The following UNC5D variants were observed in gnomAD, a reference collection of about 807,000 sequenced individuals.
UNC5D encodes netrin receptor UNC5D.
In UNC5D, 39 loss-of-function variants were observed where a neutral mutation model predicts 105.4. The observed-to-expected ratio is 0.37, with a 90% CI of 0.29 to 0.48. The LOEUF is 0.48. Ranked by LOEUF, UNC5D falls within the 20% of genes least tolerant of loss-of-function variation. The pLI is 0.98. For synonymous variants in UNC5D, 452 were observed against 450.4 expected (o/e 1.00, Z -0.04); for missense variants, 991 against 1,202.4 (o/e 0.82, Z 2.60).
chr8:35,693,810 A>T (rs1473357284), intron 7 of UNC5D, among the ~76,000 whole-genome samples: 1 of 152,156 alleles, frequency 6.6e-6, no homozygotes, highest in African/African-American at 2.4e-5. Context: ...AGGAAGTCCT[A>T]TGTAGCACTT....
intron 1 of UNC5D, among the ~76,000 whole-genome samples, chr8:35,318,445 G>A (rs1012569432): frequency 3.9e-5 from 6 of 152,010 alleles, no homozygotes; most frequent in Non-Finnish European, 8.8e-5. Flanking sequence ...GACACAGCTG[G>A]GTTTGAAGCA....
chr8:35,563,740 T>C (rs1817127318), intron 2 of UNC5D, among the ~76,000 whole-genome samples: 1 of 152,200 alleles, frequency 6.6e-6, no homozygotes, highest in South Asian at 2.1e-4. Flanking sequence ...AGTAGGTTGT[T>C]AGCTGTAGGT....
At position 35,534,161 on chromosome 8, in the gene UNC5D, G is replaced by A. The variant is rs77570758; in HGVS notation, c.104-15131G>A. On this transcript the variant is annotated intron_variant, in intron 1 of 16. Transcript: ENST00000404895. The stretch of plus-strand genomic sequence containing the variant: ...TTGTAGGTCTCAGTTTTCTTTTGTA[G>A]TTTTTTATCGCTGGAATTGTATAAT... Among the ~76,000 whole-genome samples, 971 of 152,196 alleles carry A rather than the reference G, an allele frequency of 6.4e-3. 9 individuals carry two copies. The highest frequency in any genetic ancestry group is 0.022 in the African/African-American group (933 of 41,524).
At chr8:35,595,301 C>T (rs1296868652) in intron 3 of UNC5D, among the ~76,000 whole-genome samples, 2 of 152,050 alleles carry the variant, frequency 1.3e-5, no homozygotes, top group African/African-American at 4.8e-5. Context: ...TTTTTTCCTA[C>T]TCTCCTAGTT....
intron 1 of UNC5D, among the ~76,000 whole-genome samples, chr8:35,387,398 C>T (rs1803481363): frequency 6.7e-6 from 1 of 148,386 alleles, no homozygotes; most frequent in Non-Finnish European, 1.5e-5. Flanking sequence ...TTCTCAGGCC[C>T]TCTGCGTCCA....
chr8:35,767,671 A>G lies in UNC5D; in HGVS notation c.2478+605A>G, dbSNP rs138197987. Among the ~76,000 whole-genome samples the G allele has an allele frequency of 2.3e-3, 344 of 152,318 alleles. 2 individuals are homozygous for G. The highest frequency in any genetic ancestry group is 3.4e-3 in the Non-Finnish European group (232 of 68,020). ...TAAGAAGGATCTCATTCTATAAGGT[A>G]AGGAAATAGAAGTGCAAAGAGAGAA... On this transcript the variant is annotated intron_variant, in intron 15 of 16. Coordinates refer to ENST00000404895, the MANE Select transcript of UNC5D (RefSeq NM_080872.4).
intron 1 of UNC5D, among the ~76,000 whole-genome samples, chr8:35,328,157 G>A (rs572941879): frequency 6.6e-6 from 1 of 152,080 alleles, no homozygotes; most frequent in African/African-American, 2.4e-5. Context: ...ATGTGTATTT[G>A]TTCCAAAAAA....
intron 1 of UNC5D, among the ~76,000 whole-genome samples, chr8:35,540,445 GT>G (rs1815193245): frequency 3.2e-5 from 2 of 62,888 alleles, no homozygotes; most frequent in African/African-American, 7.9e-4. Context: ...AAGCAGAGGG[GT>G]GTGTGTGTGT....
intron 1 of UNC5D, among the ~76,000 whole-genome samples, chr8:35,295,086 T>C (rs1807382264): frequency 6.6e-6 from 1 of 152,196 alleles, no homozygotes; most frequent in African/African-American, 2.4e-5. Context: ...AGGAGGTGGC[T>C]ACAAAGTTAT....
chr8:35,293,469 C>G (rs556628802), intron 1 of UNC5D, among the ~76,000 whole-genome samples: 1 of 152,152 alleles, frequency 6.6e-6, no homozygotes, highest in Non-Finnish European at 1.5e-5. Flanking sequence ...TCTTCCTCAT[C>G]ATCTGGTGCT....
intron 1 of UNC5D, among the ~76,000 whole-genome samples, chr8:35,277,541 C>T (rs1805857138): frequency 6.6e-6 from 1 of 152,132 alleles, no homozygotes; most frequent in Non-Finnish European, 1.5e-5. Context: ...ATTCTTACCC[C>T]TGAGTCTTGG....
rs541669778 is a variant in UNC5D, at chr8:35,346,645, A to G, written c.103+110758A>G. On this transcript the variant is annotated intron_variant, in intron 1 of 16. Transcript: ENST00000404895. ...ACATCTCCATATAACCAAAATTTTT[A>G]TGTTCAGCTATGTAATATTTGGTAT... 1.8e-4 allele frequency among the ~76,000 whole-genome samples: 27 copies of G among 152,144 alleles called. No homozygotes were observed. The South Asian group carries it at 4.8e-3, about 27-fold the overall frequency.
intron 1 of UNC5D, among the ~76,000 whole-genome samples, chr8:35,242,986 G>T (rs1802891061): frequency 6.6e-6 from 1 of 152,126 alleles, no homozygotes; most frequent in Non-Finnish European, 1.5e-5. Context: ...TGGAAGCTAA[G>T]CTGGTAATAT....
chr8:35,623,629 A>G (rs1821501718), intron 4 of UNC5D, among the ~76,000 whole-genome samples: 1 of 152,142 alleles, frequency 6.6e-6, no homozygotes, highest in Non-Finnish European at 1.5e-5. Context: ...TCCCTAAGAA[A>G]AGGGATTAGA....
chr8:35,494,930 T>G (rs1474889522), intron 1 of UNC5D, among the ~76,000 whole-genome samples: 1 of 152,196 alleles, frequency 6.6e-6, no homozygotes, highest in African/African-American at 2.4e-5. Context: ...CTCTGGCATT[T>G]ATTCTAGCCT....
intron 16 of UNC5D, among the ~76,000 whole-genome samples, chr8:35,775,622 G>A (rs1209415101): frequency 2.0e-5 from 3 of 151,312 alleles, no homozygotes; most frequent in African/African-American, 7.3e-5. Context: ...TTTTCTTTCA[G>A]GCAAAACCTT....
intron 2 of UNC5D, among the ~76,000 whole-genome samples, 192 bp from the exon 3 acceptor site, chr8:35,567,906 G>A (rs1448744341): frequency 1.3e-5 from 2 of 152,162 alleles, no homozygotes; most frequent in South Asian, 2.1e-4. Context: ...TACTTTACAC[G>A]TGTGCTTTCC....
chr8:35,624,389 G>A (rs375641044), intron 4 of UNC5D, among the ~76,000 whole-genome samples: 2 of 152,194 alleles, frequency 1.3e-5, no homozygotes, highest in East Asian at 1.9e-4. Context: ...AAGATGACTG[G>A]TGTTTAAAAA....
In UNC5D at chr8:35,796,006, A is replaced by G. The variant is rs976593775; in HGVS notation, c.*5443A>G. On this transcript the variant is annotated 3_prime_UTR_variant, in exon 17 of 17. Transcript: ENST00000404895. Reference sequence around the variant, plus strand: ...GCATGAAGATTTTAAAACAGATTTCATTTTTTTCTGTTTATTTTGGGAAGG... The same window carrying G: ...GCATGAAGATTTTAAAACAGATTTCGTTTTTTTCTGTTTATTTTGGGAAGG... 4 of 151,980 alleles carry G rather than the reference A, an allele frequency of 2.6e-5. No individual in the cohort carries two copies. The highest frequency in any genetic ancestry group is 5.9e-5 in the Non-Finnish European group (4 of 67,964). 9.4% of individuals were successfully genotyped at this position (151,980 alleles called of 1,614,324 possible). A position where few individuals can be genotyped will look rare whatever the true frequency, so the allele number is the denominator to read the frequency against.
Sources: allele counts gnomAD v4.1 joint callset (sites outside exome capture counted in the v4.1 genomes callset), GRCh38; gene constraint gnomAD v4.1.1; transcripts MANE v1.5; gene names NCBI Gene and HGNC (gene_info 2026-07-23, HGNC 2026-07-21).